Variants in AK1 observed in about 807,000 individuals in gnomAD.
AK1 encodes adenylate kinase isoenzyme 1.
A neutral mutation model predicts 23.9 loss-of-function variants in AK1; 13 were observed. The ratio of observed to expected loss-of-function variants is 0.54; its 90% CI spans 0.35 to 0.86. The LOEUF (loss-of-function observed/expected upper bound fraction) is 0.86. Among genes scored for constraint, AK1 ranks in the 40% least tolerant of loss-of-function variants. AK1 has a pLI of 0.01. For synonymous variants in AK1, 97 were observed against 102.8 expected (o/e 0.94, Z 0.34); for missense variants, 214 against 255.1 (o/e 0.84, Z 1.10).
chr9:127,878,093 G>A (rs556840867), upstream of AK1, among the ~76,000 whole-genome samples: 1 of 152,348 alleles, frequency 6.6e-6, no homozygotes, highest in East Asian at 1.9e-4. Flanking sequence ...AGAGGGCTGA[G>A]GCATCGACTC....
At position 127,867,930 on chromosome 9, in the gene AK1, C is replaced by A; in HGVS notation, c.*78G>T. ...TGCTCAGCAGGGCAGGGTGGAGGCG[C>A]TGCGCTCAGGCCAGGAGGACCTCGA... On this transcript the variant is annotated 3_prime_UTR_variant, in exon 7 of 7. Transcript: ENST00000644144. 6.9e-7 allele frequency: 1 copy of A among 1,444,594 alleles called. No individual in the cohort carries two copies. The highest frequency in any genetic ancestry group is 1.1e-5 in the South Asian group (1 of 87,504). The allele number at this position is 1,444,594 out of a possible 1,614,324, so 89.5% of individuals were successfully genotyped here. A position where few individuals can be genotyped will look rare whatever the true frequency, so the allele number is the denominator to read the frequency against.
intron 2 of AK1, chr9:127,874,176 G>A (rs1018377025): frequency 1.3e-5 from 13 of 985,272 alleles, no homozygotes; most frequent in South Asian, 9.4e-5. Flanking sequence ...CTGCCTGCCC[G>A]TGTCTCCCTC....
At position 127,871,910 on chromosome 9, in the gene AK1, G is replaced by A. The variant is rs767658405; in HGVS notation, c.237C>T (p.Ala79=). ...TGGAAGTATTGACTTTGGCCACCAT[G>A]GCATCCCGGAGCATGTCCAACACTG... ...LETVLDMLRD[A]MVAKVNTSKG... The change falls in exon 5 of 7, where the codon GCC becomes GCT. Residue 79 remains alanine (A), a synonymous_variant. Coordinates refer to ENST00000644144, the MANE Select transcript of AK1 (RefSeq NM_000476.3). This position sits in a 1 kb window ranked among gnomAD's most constrained non-coding sequence, Gnocchi z 4.4. The A allele has an allele frequency of 5.0e-6, 8 of 1,614,040 alleles. No individual in the cohort carries two copies. The highest frequency in any genetic ancestry group is 6.8e-6 in the Non-Finnish European group (8 of 1,179,996).
At chr9:127,870,815 GAAT>G (rs758792156) in intron 5 of AK1, among the ~76,000 whole-genome samples, 4,714 of 24,348 alleles carry the variant, frequency 0.19, 106 homozygotes, top group Middle Eastern at 0.29. Context: ...CGGGGCATGG[GAAT>G]GGGGCATGGG....
At chr9:127,876,563 G>A (rs1026675424) in intron 1 of AK1, among the ~76,000 whole-genome samples, 5 of 152,212 alleles carry the variant, frequency 3.3e-5, no homozygotes, top group Non-Finnish European at 5.9e-5. Context: ...GGGGGTAGGA[G>A]CTGCCAAGTG....
At chr9:127,875,510 C>A (rs976370258) in intron 1 of AK1, among the ~76,000 whole-genome samples, 1 of 151,806 alleles carries the variant, frequency 6.6e-6, no homozygotes, top group African/African-American at 2.4e-5. Flanking sequence ...ACACTCCCCT[C>A]CAGCCTTGAC....
In AK1 at chr9:127,868,397, T is replaced by A. The variant is rs1406221893; in HGVS notation, c.440A>T (p.Lys147Ile). The part of the protein sequence containing the change: ...GRVDDNEETI[K>I]KRLETYYKAT... Reference sequence around the variant, plus strand: ...CTTGTAATAGGTCTCCAGCCGCTTTTTGATGGTCTCCTCATTGTCGTCCAC... The same window carrying A: ...CTTGTAATAGGTCTCCAGCCGCTTTATGATGGTCTCCTCATTGTCGTCCAC... Residue 147 changes from lysine to isoleucine, a missense_variant, in exon 6 of 7, where the codon AAA (lysine) becomes ATA (isoleucine). By Grantham distance (102) the Lys-to-Ile change is moderately radical. Transcript: ENST00000644144. This position sits in a 1 kb window ranked among gnomAD's most constrained non-coding sequence, Gnocchi z 4.1. 6.2e-7 allele frequency: 1 copy of A among 1,612,618 alleles called. No homozygotes were observed. Among genetic ancestry groups the A allele is most frequent in the African/African-American group, 1.3e-5 (1 of 74,918 alleles).
rs1247596106 is a variant in AK1 at position 127,877,042 on chromosome 9, T to TTGG, written c.-33+578_-33+580dup. ...CACTCAGCTGTGTGACCTTGGGCAG[T>TTGG]TGGTGTCCCCTCTCTGGGCCTGTCC... On this transcript the variant is annotated intron_variant, in intron 1 of 6. Transcript: ENST00000644144. This position sits in a 1 kb window ranked among gnomAD's most constrained non-coding sequence, Gnocchi z 5.2. Among the ~76,000 whole-genome samples the TTGG allele has an allele frequency of 6.6e-6, 1 of 152,200 alleles. No individual in the cohort carries two copies. The highest frequency in any genetic ancestry group is 1.9e-4 in the East Asian group (1 of 5,204).
rs746355845 is a variant in AK1, at chr9:127,867,933, C to G, written c.*75G>C. On this transcript the variant is annotated 3_prime_UTR_variant, in exon 7 of 7. Transcript: ENST00000644144. ...TCAGCAGGGCAGGGTGGAGGCGCTGCGCTCAGGCCAGGAGGACCTCGAATC... is the reference window on the plus strand; with the variant it reads ...TCAGCAGGGCAGGGTGGAGGCGCTGGGCTCAGGCCAGGAGGACCTCGAATC... 6.8e-7 allele frequency: 1 copy of G among 1,464,190 alleles called. No individual in the cohort carries two copies. Among genetic ancestry groups the G allele is most frequent in the South Asian group, 1.1e-5 (1 of 87,888 alleles). The allele number at this position is 1,464,190 out of a possible 1,614,324, so 90.7% of individuals were successfully genotyped here.
At chr9:127,874,512 C>T in intron 2 of AK1, 99 bp downstream of exon 2, 3 of 1,610,016 alleles carry the variant, frequency 1.9e-6, no homozygotes, top group South Asian at 1.1e-5. Flanking sequence ...CCCAGAGCCT[C>T]CTCCAACCCC....
rs1219527698 is a variant in AK1, at chr9:127,867,309, C to G, written c.*699G>C. ...TACAGGCATGAGCCACCTCATTGGG[C>G]CTCCCCCATTCAATTTCAGTGACAT... is the stretch of plus-strand genomic sequence containing the variant. On this transcript the variant is annotated 3_prime_UTR_variant, in exon 7 of 7. Coordinates refer to ENST00000644144, the MANE Select transcript of AK1 (RefSeq NM_000476.3). The G allele has an allele frequency of 6.6e-6, 1 of 152,502 alleles. No individual in the cohort carries two copies. Among genetic ancestry groups the G allele is most frequent in the Non-Finnish European group, 1.5e-5 (1 of 68,260 alleles). 9.4% of individuals were successfully genotyped at this position (152,502 alleles called of 1,614,324 possible).
At chr9:127,878,806 G>C (rs78181560), upstream of AK1, among the ~76,000 whole-genome samples, 3 of 152,226 alleles carry the variant, frequency 2.0e-5, no homozygotes, top group Non-Finnish European at 1.5e-5. Flanking sequence ...CCCCATCTGT[G>C]GGGGGGCAGG....
chr9:127,873,898 T>C, intron 2 of AK1: 1 of 985,110 alleles, frequency 1.0e-6, no homozygotes, highest in Non-Finnish European at 1.2e-6. Context: ...AGGGAGGAGG[T>C]GGGCTGGGCG....
In AK1 at chr9:127,869,646, G is replaced by A. The variant is rs548292705; in HGVS notation, c.325-1134C>T. 3.9e-5 allele frequency among the ~76,000 whole-genome samples: 6 copies of A among 152,338 alleles called. No individual in the cohort carries two copies. The South Asian group carries it at 6.2e-4, about 16-fold the overall frequency. On this transcript the variant is annotated intron_variant, in intron 5 of 6. Transcript: ENST00000644144. ...GTAGTTAAGGATTCAGGGTGACAGC[G>A]TCAGCTGCCTTCAGGGAGATGACTC...
intron 5 of AK1, chr9:127,869,283 GC>G (rs1829328702): frequency 6.6e-6 from 1 of 152,668 alleles, no homozygotes. Context: ...GACTGCCACA[GC>G]TTTAGGAATG....
At position 127,872,842 on chromosome 9, in the gene AK1, A is replaced by C. The variant is rs368299963; in HGVS notation, c.55T>G (p.Ser19Ala). The C allele has an allele frequency of 4.1e-5, 66 of 1,613,920 alleles. No homozygotes were observed. Among genetic ancestry groups the C allele is most frequent in the Admixed American group, 1.3e-4 (8 of 59,998 alleles). Residue 19 changes from serine to alanine, a missense_variant, in exon 4 of 7, where the codon TCA (serine) becomes GCA (alanine). Ser to Ala is a moderately conservative substitution (Grantham distance 99). Transcript: ENST00000644144. The stretch of plus-strand genomic sequence containing the variant: ...TTCTCACACTGGGTGCCCTTCCCTG[A>C]GCCAGGCCCACCTGCAAACGCCCAC... ...KIIFVVGGPG[S>A]GKGTQCEKIV...
At chr9:127,872,951 G>A (rs1829450262) in intron 3 of AK1, 75 bp downstream of exon 3, 2 of 1,613,148 alleles carry the variant, frequency 1.2e-6, no homozygotes, top group African/African-American at 2.7e-5. Context: ...AGAGCCCAGG[G>A]TGCAGCCCCA....
rs774684518 is a variant in AK1, at chr9:127,868,051, C to A, written c.542G>T (p.Ser181Ile). 3 of 1,614,154 alleles carry A rather than the reference C, an allele frequency of 1.9e-6. No homozygotes were observed. Among genetic ancestry groups the A allele is most frequent in the East Asian group, 2.2e-5 (1 of 44,866 alleles). Reference protein sequence around the residue: ...RKVNAEGSVDSVFSQVCTHLD... With the variant: ...RKVNAEGSVDIVFSQVCTHLD... ...GTGGGTGCAGACCTGGGAGAAGACA[C>A]TGTCCACGGAGCCCTCAGCGTTGAC... Residue 181 changes from serine (S) to isoleucine (I), a missense_variant, in exon 7 of 7, where the codon AGT becomes ATT. Transcript: ENST00000644144. The surrounding 1 kb of genome is among the most constrained non-coding windows in gnomAD (Gnocchi z 4.1).
chr9:127,869,400 C>T (rs908127444), intron 5 of AK1: 1 of 153,626 alleles, frequency 6.5e-6, no homozygotes, highest in East Asian at 1.9e-4. Flanking sequence ...CCTTGGGGCA[C>T]TGCCTCTCAG....
Sources: allele counts gnomAD v4.1 joint callset (sites outside exome capture counted in the v4.1 genomes callset), GRCh38; gene constraint gnomAD v4.1.1; non-coding constraint Gnocchi (gnomAD v3.1); transcripts MANE v1.5; gene names NCBI Gene and HGNC (gene_info 2026-07-23, HGNC 2026-07-21).